The following EXOC2 variants were observed in gnomAD, a reference collection of about 807,000 sequenced individuals.
EXOC2 encodes exocyst complex component 2, also known as SEC5-like 1.
A neutral mutation model predicts 131.8 loss-of-function variants in EXOC2; 70 were observed. That is an observed-to-expected ratio of 0.53 (90% CI 0.44 to 0.65). The LOEUF (loss-of-function observed/expected upper bound fraction) is 0.65, where lower values mean the gene tolerates loss of function less well. Ranked by LOEUF, EXOC2 falls within the 30% of genes least tolerant of loss-of-function variation. The pLI is 0.00. For synonymous variants in EXOC2, 411 were observed against 398.4 expected, an observed-to-expected ratio of 1.03 and a Z score of -0.38; for missense variants, 923 against 1,108.6, an observed-to-expected ratio of 0.83 and a Z score of 2.38.
chr6:559,671 A>G (rs892737653), intron 17 of EXOC2, among the ~76,000 whole-genome samples: 4 of 152,226 alleles, frequency 2.6e-5, no homozygotes, highest in Non-Finnish European at 4.4e-5. Context: ...AACTACAAAG[A>G]AGCTTCTGAA....
intron 2 of EXOC2, among the ~76,000 whole-genome samples, 167 bp from the exon 3 acceptor site, chr6:633,284 CTGTT>C (rs1761944827): frequency 1.3e-5 from 2 of 152,128 alleles, no homozygotes; most frequent in African/African-American, 4.8e-5. Flanking sequence ...TTCCTCTTAC[CTGTT>C]TTTTTCTCCA....
chr6:487,755 T>C (rs571867052), intron 27 of EXOC2, among the ~76,000 whole-genome samples: 15 of 152,320 alleles, frequency 9.8e-5, no homozygotes, highest in African/African-American at 3.6e-4. Context: ...TTTCCTGGTT[T>C]GGATGCAGCA....
intron 11 of EXOC2, among the ~76,000 whole-genome samples, chr6:589,141 C>G (rs1279420803): frequency 6.6e-6 from 1 of 152,234 alleles, no homozygotes; most frequent in Non-Finnish European, 1.5e-5. Context: ...ACCACATATC[C>G]TATCTGTATC....
At chr6:567,595 G>A (rs1758039050) in intron 13 of EXOC2, among the ~76,000 whole-genome samples, 1 of 152,140 alleles carries the variant, frequency 6.6e-6, no homozygotes, top group Non-Finnish European at 1.5e-5. Context: ...TACATACTGA[G>A]TACATGCATG....
chr6:630,582 A>C lies in EXOC2; in HGVS notation c.296-621T>G, dbSNP rs9504507. On this transcript the variant is annotated intron_variant, in intron 3 of 27. Coordinates refer to ENST00000230449, the MANE Select transcript of EXOC2 (RefSeq NM_018303.6). ...AAGCTACCTAAGGACATTTCACTAC[A>C]AATGAAAACCAAATGTTTTTTAAAT... Among the ~76,000 whole-genome samples, 769 of 152,376 alleles carry C rather than the reference A, an allele frequency of 5.0e-3. 5 individuals are homozygous for C. Among genetic ancestry groups the C allele is most frequent in the African/African-American group, 0.018 (741 of 41,586 alleles).
intron 1 of EXOC2, among the ~76,000 whole-genome samples, chr6:680,800 T>C (rs1764369276): frequency 6.6e-6 from 1 of 152,222 alleles, no homozygotes; most frequent in East Asian, 1.9e-4. Flanking sequence ...AAAAAGTTAC[T>C]GTGCCAAGCT....
intron 23 of EXOC2, among the ~76,000 whole-genome samples, chr6:526,595 C>T (rs1376379641): frequency 1.3e-5 from 2 of 151,904 alleles, no homozygotes; most frequent in East Asian, 1.9e-4. Flanking sequence ...AATGCACCAC[C>T]GTGCCCGGTT....
intron 4 of EXOC2, among the ~76,000 whole-genome samples, chr6:622,612 C>T (rs1761349621): frequency 6.6e-6 from 1 of 152,150 alleles, no homozygotes; most frequent in South Asian, 2.1e-4. Context: ...AGCTGCATGC[C>T]CTGGAGAAAC....
At chr6:491,293 G>C (rs1225943640) in intron 25 of EXOC2, 107 bp from the exon 26 acceptor site, 1 of 1,100,986 alleles carries the variant, frequency 9.1e-7, no homozygotes, top group African/African-American at 1.6e-5. Flanking sequence ...GGATGGGGTT[G>C]GCGTAATACC....
chr6:614,813 C>A (rs898703453), intron 6 of EXOC2, among the ~76,000 whole-genome samples: 2 of 151,962 alleles, frequency 1.3e-5, no homozygotes, highest in African/African-American at 4.8e-5. Flanking sequence ...CACATCCGTC[C>A]GTCCTTTTTA....
At chr6:496,317 C>G (rs546604891) in intron 25 of EXOC2, among the ~76,000 whole-genome samples, 2 of 152,316 alleles carry the variant, frequency 1.3e-5, no homozygotes, top group Middle Eastern at 3.4e-3. Flanking sequence ...TGTGGAGACT[C>G]TGGATTCTGT....
chr6:674,463 C>A, intron 1 of EXOC2, among the ~76,000 whole-genome samples: 1 of 152,140 alleles, frequency 6.6e-6, no homozygotes, highest in East Asian at 1.9e-4. Context: ...GAACACTTCT[C>A]AAAGCCTTGC....
At chr6:545,213 T>C (rs1756784192) in intron 22 of EXOC2, among the ~76,000 whole-genome samples, 1 of 150,828 alleles carries the variant, frequency 6.6e-6, no homozygotes, top group Admixed American at 6.6e-5. Flanking sequence ...CCATGTTTAA[T>C]GTCTACAGGC....
At chr6:488,913 AT>A in intron 27 of EXOC2, 65 bp downstream of exon 27, 1 of 1,484,126 alleles carries the variant, frequency 6.7e-7, no homozygotes, top group South Asian at 1.2e-5. Context: ...TTTAAAAGGT[AT>A]TTTAGGAAAC....
intron 27 of EXOC2, among the ~76,000 whole-genome samples, chr6:487,372 A>AATC (rs1483233137): frequency 9.2e-5 from 14 of 152,178 alleles, no homozygotes; most frequent in African/African-American, 1.4e-4. Flanking sequence ...CTGATATCGC[A>AATC]ATCTGTTTCC....
At chr6:689,358 T>C (rs1039448416) in intron 1 of EXOC2, 10 of 152,312 alleles carry the variant, frequency 6.6e-5, no homozygotes, top group African/African-American at 2.2e-4. Context: ...AATAAAACTT[T>C]CCAGGAAAAA....
intron 23 of EXOC2, among the ~76,000 whole-genome samples, chr6:514,478 C>T (rs1272078727): frequency 1.3e-5 from 2 of 152,176 alleles, no homozygotes; most frequent in East Asian, 3.8e-4. Flanking sequence ...GAGAGAGTTG[C>T]TCTGTGGTTT....
intron 23 of EXOC2, among the ~76,000 whole-genome samples, chr6:516,462 T>C (rs1452457291): frequency 6.6e-6 from 1 of 152,232 alleles, no homozygotes; most frequent in Non-Finnish European, 1.5e-5. Flanking sequence ...CACAGCTGGC[T>C]GAGCTGTCAT....
intron 23 of EXOC2, among the ~76,000 whole-genome samples, chr6:523,227 C>T (rs1396733669): frequency 1.3e-5 from 2 of 152,226 alleles, no homozygotes; most frequent in Non-Finnish European, 2.9e-5. Flanking sequence ...GTTTGGTGTC[C>T]TTCAAATGGA....
Sources: gnomAD v4.1 joint callset for allele counts (sites outside exome capture counted in the v4.1 genomes callset) on GRCh38, gnomAD v4.1.1 for gene constraint, MANE v1.5 for transcripts, NCBI Gene and HGNC (gene_info 2026-07-23, HGNC 2026-07-21) for gene names.